JDP2: variants seen among roughly 807,000 people sequenced by gnomAD.
JDP2 encodes the protein progesterone receptor co-activator.
JDP2 carries 9 observed loss-of-function variants against 17.1 expected under a neutral mutation model. That is an observed-to-expected ratio of 0.53 (90% CI 0.32 to 0.92). The LOEUF is 0.92. JDP2 is among the 40% of genes least tolerant of loss of function. JDP2 has a pLI of 0.04. For missense variants in JDP2, 179 were observed against 220.0 expected (o/e 0.81, Z 1.18); for synonymous variants, 107 against 95.6 (o/e 1.12, Z -0.69).
chr14:75,446,870 G>A (rs1270854654), intron 2 of JDP2, among the ~76,000 whole-genome samples: 1 of 152,158 alleles, frequency 6.6e-6, no homozygotes, highest in Non-Finnish European at 1.5e-5. Context: ...TGCCTTACAG[G>A]GTTGTGGGGA....
At chr14:75,441,890 G>A (rs1885370934) in intron 2 of JDP2, among the ~76,000 whole-genome samples, 2 of 152,166 alleles carry the variant, frequency 1.3e-5, no homozygotes, top group African/African-American at 2.4e-5. Flanking sequence ...AGCTGTGGCT[G>A]TGGTGGTCAC....
At chr14:75,463,394 T>A (rs1886420480) in intron 3 of JDP2, among the ~76,000 whole-genome samples, 1 of 152,204 alleles carries the variant, frequency 6.6e-6, no homozygotes, top group East Asian at 1.9e-4. Flanking sequence ...CCTTTGCTGA[T>A]CCACCCGTCC....
chr14:75,433,643 A>G (rs985646966), intron 1 of JDP2, among the ~76,000 whole-genome samples: 18 of 146,598 alleles, frequency 1.2e-4, no homozygotes, highest in Non-Finnish European at 3.0e-5. Context: ...TAATCTTAGG[A>G]TCAACAACAG....
intron 1 of JDP2, among the ~76,000 whole-genome samples, chr14:75,436,041 G>A (rs1252267182): frequency 6.6e-6 from 1 of 152,200 alleles, no homozygotes; most frequent in African/African-American, 2.4e-5. Flanking sequence ...AAACCTTTGT[G>A]CTTGAGGGTG....
chr14:75,428,273 TG>T lies in JDP2; in HGVS notation c.-24+26del, dbSNP rs1346590395. The T allele has an allele frequency of 4.2e-5, 6 of 141,902 alleles. No homozygotes were observed. In the East Asian group the frequency reaches 1.2e-3, roughly 29 times the overall value. 8.8% of individuals were successfully genotyped at this position (141,902 alleles called of 1,614,324 possible). ...GCACGGTGGGTGCGAGGGCGCGCGC[TG>T]GGGGCGCCGGGACGGGCGGGGCGGG... On this transcript the variant is annotated intron_variant, in intron 1 of 3. Coordinates refer to ENST00000651602, the MANE Select transcript of JDP2 (RefSeq NM_001135048.2). The surrounding 1 kb of genome is among the most constrained non-coding windows in gnomAD (Gnocchi z 5.6).
intron 1 of JDP2, among the ~76,000 whole-genome samples, chr14:75,431,647 C>T (rs1030454280): frequency 2.0e-5 from 3 of 152,230 alleles, no homozygotes; most frequent in African/African-American, 7.2e-5. Flanking sequence ...TTCTACCCAG[C>T]CCTGACCTGG....
chr14:75,461,514 C>T lies in JDP2; in HGVS notation c.290C>T (p.Thr97Met), dbSNP rs367854884. The change falls in exon 3 of 4, where the codon ACG becomes ATG. Residue 97 changes from threonine (T) to methionine (M), a missense_variant. Thr to Met is a moderately conservative substitution (Grantham distance 81). Transcript: ENST00000651602. ...TGCCGGAACAAGAAGAAGGAGCGCA[C>T]GGAGTTTCTGCAGCGGGTGAGCTGA... ...ARCRNKKKERTEFLQRESERL... is the reference protein window; with the variant it reads ...ARCRNKKKERMEFLQRESERL... The T allele has an allele frequency of 8.2e-5, 131 of 1,606,022 alleles. 1 individual carries two copies. Among genetic ancestry groups the T allele is most frequent in the Non-Finnish European group, 1.0e-4 (120 of 1,177,682 alleles).
rs550336724 is a variant in JDP2 at position 75,437,980 on chromosome 14, C to T, written c.60C>T (p.Gly20=). ...CCACAGGCTCCCTGCCAGGGCTTGG[C>T]CCCCTGACCGGGCTCCCCAGCTCGG... ...SVTTGSLPGL[G]PLTGLPSSAL... Residue 20 remains glycine, a synonymous_variant, in exon 2 of 4, where the codon GGC becomes GGT. Coordinates refer to ENST00000651602, the MANE Select transcript of JDP2 (RefSeq NM_001135048.2). The T allele has an allele frequency of 2.5e-6, 4 of 1,613,058 alleles. No homozygotes were observed. Among genetic ancestry groups the T allele is most frequent in the African/African-American group, 1.3e-5 (1 of 74,928 alleles).
chr14:75,457,283 A>G (rs1300293022), intron 2 of JDP2, among the ~76,000 whole-genome samples: 3 of 152,240 alleles, frequency 2.0e-5, no homozygotes, highest in Non-Finnish European at 4.4e-5. Context: ...AGAGAATTCA[A>G]GAAGCACCAG....
intron 3 of JDP2, among the ~76,000 whole-genome samples, chr14:75,468,001 A>G (rs1381349524): frequency 6.6e-6 from 1 of 152,122 alleles, no homozygotes; most frequent in Non-Finnish European, 1.5e-5. Flanking sequence ...TGTGGGAGGA[A>G]GACGGGACCC....
chr14:75,462,907 G>A (rs990881448), intron 3 of JDP2, among the ~76,000 whole-genome samples: 18 of 152,222 alleles, frequency 1.2e-4, no homozygotes, highest in African/African-American at 3.9e-4. Context: ...CTGGGAGCCC[G>A]TTGGAAGAGA....
chr14:75,459,572 A>G (rs1318244388), intron 2 of JDP2, among the ~76,000 whole-genome samples: 2 of 152,212 alleles, frequency 1.3e-5, no homozygotes, highest in African/African-American at 4.8e-5. Flanking sequence ...CCCCCAGAGC[A>G]TGCTGGGAGT....
intron 2 of JDP2, among the ~76,000 whole-genome samples, chr14:75,447,353 T>A (rs2139969052): frequency 6.6e-6 from 1 of 152,328 alleles, no homozygotes; most frequent in Admixed American, 6.5e-5. Context: ...AACAACCCTA[T>A]GAGGTGGTGT....
rs775138146 is a variant in JDP2 at position 75,438,003 on chromosome 14, C to T, written c.83C>T (p.Ser28Leu). The stretch of plus-strand genomic sequence containing the variant: ...GGCCCCCTGACCGGGCTCCCCAGCT[C>T]GGCCCTGACTGTGGAGGAGCTGAAA... ...GLGPLTGLPSSALTVEELKYA... is the reference protein window; with the variant it reads ...GLGPLTGLPSLALTVEELKYA... The change falls in exon 2 of 4, where the codon TCG becomes TTG. Residue 28 changes from serine to leucine, a missense_variant. By Grantham distance (145) the Ser-to-Leu change is moderately radical. Transcript: ENST00000651602. 7.4e-6 allele frequency: 12 copies of T among 1,613,716 alleles called. No individual in the cohort carries two copies. The highest frequency in any genetic ancestry group is 1.7e-5 in the Admixed American group (1 of 59,972).
At chr14:75,467,223 C>A (rs1886601164) in intron 3 of JDP2, among the ~76,000 whole-genome samples, 1 of 152,192 alleles carries the variant, frequency 6.6e-6, no homozygotes, top group Admixed American at 6.5e-5. Flanking sequence ...CCTAAGCTTT[C>A]CCATGCCTGG....
At position 75,469,558 on chromosome 14, in the gene JDP2, C is replaced by T; in HGVS notation, c.*83C>T. On this transcript the variant is annotated 3_prime_UTR_variant, in exon 4 of 4. Coordinates refer to ENST00000651602, the MANE Select transcript of JDP2 (RefSeq NM_001135048.2). ...AGAGGAGGAGGGGGGCCCCAGATGGCCCTTCCTTTGGTGCATGAAAAACTG... is the reference window on the plus strand; with the variant it reads ...AGAGGAGGAGGGGGGCCCCAGATGGTCCTTCCTTTGGTGCATGAAAAACTG... The T allele has an allele frequency of 7.9e-7, 1 of 1,270,708 alleles. No homozygotes were observed. Among genetic ancestry groups the T allele is most frequent in the Non-Finnish European group, 1.1e-6 (1 of 913,552 alleles). The allele number at this position is 1,270,708 out of a possible 1,614,324, so 78.7% of individuals were successfully genotyped here. A position where few individuals can be genotyped will look rare whatever the true frequency, so the allele number is the denominator to read the frequency against.
chr14:75,445,156 G>C, intron 2 of JDP2: 1 of 985,198 alleles, frequency 1.0e-6, no homozygotes, highest in Non-Finnish European at 1.2e-6. Context: ...TCATCTGGCT[G>C]AACAACTATG....
At chr14:75,435,553 T>A (rs867012703) in intron 1 of JDP2, among the ~76,000 whole-genome samples, 3 of 151,912 alleles carry the variant, frequency 2.0e-5, no homozygotes, top group African/African-American at 7.2e-5. Context: ...GAAGGAAGGG[T>A]GAGAAAGCTT....
chr14:75,455,668 G>T (rs1886069229), intron 2 of JDP2, among the ~76,000 whole-genome samples: 1 of 152,238 alleles, frequency 6.6e-6, no homozygotes, highest in Admixed American at 6.5e-5. Context: ...GCTCCTGTCT[G>T]GTGACCCTCT....
Sources: gnomAD v4.1 joint callset for allele counts (sites outside exome capture counted in the v4.1 genomes callset) on GRCh38, gnomAD v4.1.1 for gene constraint, Gnocchi (gnomAD v3.1) non-coding constraint, MANE v1.5 for transcripts, NCBI Gene and HGNC (gene_info 2026-07-23, HGNC 2026-07-21) for gene names.